The following FBXO21 variants were observed in gnomAD, a reference collection of about 807,000 sequenced individuals.
The protein encoded by FBXO21 is F-box protein 21.
A neutral mutation model predicts 76.6 loss-of-function variants in FBXO21; 32 were observed. That is an observed-to-expected ratio of 0.42 (90% CI 0.32 to 0.56). FBXO21 has a LOEUF of 0.56. FBXO21 is among the 20% of genes least tolerant of loss of function. The probability of loss-of-function intolerance (pLI) is 0.16; values close to 1 mark genes in which losing one functional copy is unlikely to be tolerated. For missense variants in FBXO21, 586 were observed against 797.3 expected (o/e 0.73, Z 3.19); for synonymous variants, 328 against 311.5 (o/e 1.05, Z -0.56).
rs148558626 is a variant in FBXO21, at chr12:117,165,799, T to C, written c.1194-182A>G. Among the ~76,000 whole-genome samples the C allele has an allele frequency of 5.1e-3, 769 of 152,152 alleles. 9 individuals are homozygous for C. Among genetic ancestry groups the C allele is most frequent in the African/African-American group, 0.018 (746 of 41,524 alleles). ...TAAGAAAAAAAAAATACACAATAAATATAAATCTTGTGCCCTACTTTGGTG... is the reference window on the plus strand; with the variant it reads ...TAAGAAAAAAAAAATACACAATAAACATAAATCTTGTGCCCTACTTTGGTG... On this transcript the variant is annotated intron_variant, in intron 8 of 11. Transcript: ENST00000622495.
In FBXO21 at chr12:117,190,206, C is replaced by G. The variant is rs1956330732; in HGVS notation, c.239+12G>C. 3.0e-6 allele frequency: 4 copies of G among 1,355,232 alleles called. No homozygotes were observed. The highest frequency in any genetic ancestry group is 5.5e-4 in the Middle Eastern group (2 of 3,648). 84.0% of individuals were successfully genotyped at this position (1,355,232 alleles called of 1,614,324 possible). On this transcript the variant is annotated intron_variant, in intron 1 of 11. Coordinates refer to ENST00000622495, the MANE Select transcript of FBXO21 (RefSeq NM_015002.3). ...GTGGGCGCGCAGCCGGGGCGCGGGGCCGCTGGCTCACCTCACCCGGAACTG... is the reference window on the plus strand; with the variant it reads ...GTGGGCGCGCAGCCGGGGCGCGGGGGCGCTGGCTCACCTCACCCGGAACTG...
intron 11 of FBXO21, among the ~76,000 whole-genome samples, chr12:117,149,764 A>G (rs182676229): frequency 6.6e-5 from 10 of 152,232 alleles, no homozygotes; most frequent in African/African-American, 2.2e-4. Flanking sequence ...CTTTCTATGT[A>G]TTATCGAGGG....
At chr12:117,175,909 T>C (rs1282889583) in intron 4 of FBXO21, among the ~76,000 whole-genome samples, 1 of 152,234 alleles carries the variant, frequency 6.6e-6, no homozygotes, top group Admixed American at 6.5e-5. Context: ...AAAGGAGTAT[T>C]TGTTTTCATA....
At chr12:117,152,195 G>C (rs1244656396) in intron 11 of FBXO21, among the ~76,000 whole-genome samples, 2 of 152,172 alleles carry the variant, frequency 1.3e-5, no homozygotes, top group Non-Finnish European at 2.9e-5. Flanking sequence ...GGCCAGGCAC[G>C]GTGGCTCACA....
chr12:117,174,098 C>T, intron 6 of FBXO21, 107 bp downstream of exon 6: 2 of 946,030 alleles, frequency 2.1e-6, no homozygotes, highest in Non-Finnish European at 3.3e-6. Flanking sequence ...GATCGCGCCA[C>T]TGCATTCCAG....
At chr12:117,177,378 A>T in intron 4 of FBXO21, 142 bp downstream of exon 4, 2 of 704,628 alleles carry the variant, frequency 2.8e-6, no homozygotes. Flanking sequence ...AGGCCCTATA[A>T]TCCAACCTGC....
At chr12:117,178,580 C>T (rs1173260833) in intron 3 of FBXO21, among the ~76,000 whole-genome samples, 1 of 152,042 alleles carries the variant, frequency 6.6e-6, no homozygotes, top group East Asian at 1.9e-4. Flanking sequence ...ACCTCTCTGA[C>T]CCCAATTCCT....
chr12:117,173,121 C>T (rs905832675), intron 6 of FBXO21, among the ~76,000 whole-genome samples: 1 of 151,464 alleles, frequency 6.6e-6, no homozygotes, highest in African/African-American at 2.4e-5. Flanking sequence ...TGCAACCTTT[C>T]GGGTACAAGC....
Position 117,142,049 on chromosome 12 carries a change from G to A in FBXO21, c.*4038C>T, listed in dbSNP as rs1294877208. On this transcript the variant is annotated 3_prime_UTR_variant, in exon 12 of 12. Coordinates refer to ENST00000622495, the MANE Select transcript of FBXO21 (RefSeq NM_015002.3). ...AGAGCCCTAATACAGTCATTGCTAC[G>A]TGGCCATAATACATGTATTCTATAA... The A allele has an allele frequency of 6.6e-6, 1 of 152,166 alleles. No homozygotes were observed. Among genetic ancestry groups the A allele is most frequent in the Admixed American group, 6.5e-5 (1 of 15,286 alleles). 9.4% of individuals were successfully genotyped at this position (152,166 alleles called of 1,614,324 possible).
At chr12:117,185,887 T>TA (rs144813697) in intron 3 of FBXO21, among the ~76,000 whole-genome samples, 9,690 of 152,266 alleles carry the variant, frequency 0.064, 1,029 homozygotes, top group African/African-American at 0.22. Context: ...TTCTTTTTTT[T>TA]ATGAGACGAA....
At chr12:117,184,226 A>C (rs1244930350) in intron 3 of FBXO21, among the ~76,000 whole-genome samples, 1 of 152,082 alleles carries the variant, frequency 6.6e-6, no homozygotes, top group Non-Finnish European at 1.5e-5. Context: ...CCCAACAAAA[A>C]TACTTTGTTT....
At chr12:117,187,059 T>C (rs1956290650) in intron 2 of FBXO21, among the ~76,000 whole-genome samples, 1 of 151,292 alleles carries the variant, frequency 6.6e-6, no homozygotes, top group Admixed American at 6.6e-5. Context: ...GAGGTTACAG[T>C]GAGCCAAGAT....
At chr12:117,172,395 G>C in intron 7 of FBXO21, 76 bp downstream of exon 7, 1 of 1,522,262 alleles carries the variant, frequency 6.6e-7, no homozygotes, top group South Asian at 1.2e-5. Flanking sequence ...CCAACTTGAT[G>C]ATGAAAATCA....
chr12:117,142,570 C>T lies in FBXO21; in HGVS notation c.*3517G>A, dbSNP rs1020230632. The T allele has an allele frequency of 1.3e-5, 2 of 151,208 alleles. No individual in the cohort carries two copies. Among genetic ancestry groups the T allele is most frequent in the Admixed American group, 6.6e-5 (1 of 15,100 alleles). The allele number at this position is 151,208 out of a possible 1,614,324, so 9.4% of individuals were successfully genotyped here. A position where few individuals can be genotyped will look rare whatever the true frequency, so the allele number is the denominator to read the frequency against. ...CAGTGCCCGGCTCAAAGTTAGCATG[C>T]CACACAAAATAATACGTACAGTACA... is the stretch of plus-strand genomic sequence containing the variant. On this transcript the variant is annotated 3_prime_UTR_variant, in exon 12 of 12. Coordinates refer to ENST00000622495, the MANE Select transcript of FBXO21 (RefSeq NM_015002.3).
chr12:117,157,873 C>A lies in FBXO21; in HGVS notation c.1517G>T (p.Arg506Met), dbSNP rs1955934878. ...YSIGLIMKHK[R>M]YGYNCVIYGW... The stretch of plus-strand genomic sequence containing the variant: ...AGGACAGATGATCCCGGGCACTCAC[C>A]TCTTATGCTTCATAATGAGCCCGAT... Residue 506 changes from arginine (R) to methionine (M), a missense_variant and splice_region_variant, in exon 10 of 12, where the codon AGG becomes ATG. Coordinates refer to ENST00000622495, the MANE Select transcript of FBXO21 (RefSeq NM_015002.3). 6.2e-7 allele frequency: 1 copy of A among 1,600,544 alleles called. No individual in the cohort carries two copies. The highest frequency in any genetic ancestry group is 8.5e-7 in the Non-Finnish European group (1 of 1,171,314).
intron 3 of FBXO21, 47 bp from the exon 4 acceptor site, chr12:117,177,688 T>G: frequency 1.3e-6 from 2 of 1,576,770 alleles, no homozygotes; most frequent in Non-Finnish European, 8.7e-7. Flanking sequence ...AACTTTCAGT[T>G]ATCTATTTTT....
chr12:117,167,002 G>A lies in FBXO21; in HGVS notation c.1089C>T (p.Cys363=). Residue 363 remains cysteine (C), a synonymous_variant, in exon 8 of 12, where the codon TGC becomes TGT. Coordinates refer to ENST00000622495, the MANE Select transcript of FBXO21 (RefSeq NM_015002.3). ...TCACGTGCTGGCCGATCAAGTACTC[G>A]CATTCTTTCACTGTCAGCTGCTTGC... ...GKGKQLTVKE[C]EYLIGQHVTA... 2 of 1,613,822 alleles carry A rather than the reference G, an allele frequency of 1.2e-6. No individual in the cohort carries two copies. Among genetic ancestry groups the A allele is most frequent in the Non-Finnish European group, 1.7e-6 (2 of 1,179,800 alleles).
At chr12:117,153,267 C>T (rs1028830223) in intron 11 of FBXO21, among the ~76,000 whole-genome samples, 3 of 151,904 alleles carry the variant, frequency 2.0e-5, no homozygotes, top group African/African-American at 4.8e-5. Flanking sequence ...ACAGATGTAT[C>T]GCGAGGGCAA....
intron 2 of FBXO21, among the ~76,000 whole-genome samples, chr12:117,187,048 G>A (rs11068395): frequency 0.012 from 1,766 of 149,436 alleles, 29 homozygotes; most frequent in African/African-American, 0.041. Context: ...CCCGGGAGGC[G>A]GAGGTTACAG....
Sources: allele counts gnomAD v4.1 joint callset (sites outside exome capture counted in the v4.1 genomes callset), GRCh38; gene constraint gnomAD v4.1.1; transcripts MANE v1.5; gene names NCBI Gene and HGNC (gene_info 2026-07-23, HGNC 2026-07-21).